DOCK11: variants seen among roughly 807,000 people sequenced by gnomAD.
DOCK11 encodes the protein dedicator of cytokinesis 11.
DOCK11 carries 70 observed loss-of-function variants against 169.1 expected under a neutral mutation model. The observed-to-expected ratio is 0.41, with a 90% CI of 0.34 to 0.51. DOCK11 has a LOEUF of 0.51. Ranked by LOEUF, DOCK11 falls within the 20% of genes least tolerant of loss-of-function variation. The pLI is 0.10. For synonymous variants in DOCK11, 529 were observed against 541.3 expected (o/e 0.98, Z 0.32); for missense variants, 1,166 against 1,538.8 (o/e 0.76, Z 4.05).
intron 1 of DOCK11, among the ~76,000 whole-genome samples, chrX:118,497,422 T>C (rs756797396): frequency 8.9e-6 from 1 of 112,425 alleles, no homozygotes; most frequent in East Asian, 2.8e-4. Flanking sequence ...CCCTAATAGC[T>C]ACAACTGTGC....
intron 45 of DOCK11, among the ~76,000 whole-genome samples, chrX:118,669,800 G>A (rs747827431): frequency 9.0e-6 from 1 of 111,711 alleles, no homozygotes; most frequent in East Asian, 2.8e-4. Flanking sequence ...TTGTTTTCAG[G>A]GCCATGCTCC....
At chrX:118,679,918 ATTTTTTTTTTT>A (rs55756738) in intron 48 of DOCK11, among the ~76,000 whole-genome samples, 9 of 55,436 alleles carry the variant, frequency 1.6e-4, no homozygotes, top group Middle Eastern at 0.016. Context: ...GATTACAGTA[ATTTTTTTTTTT>A]TTTTTTTTTT....
chrX:118,649,063 A>G lies in DOCK11; in HGVS notation c.4517A>G (p.Tyr1506Cys). 8.3e-7 allele frequency: 1 copy of G among 1,209,032 alleles called. No homozygotes were observed. Among genetic ancestry groups the G allele is most frequent in the Non-Finnish European group, 1.1e-6 (1 of 894,056 alleles). ...STRNEASALL[Y>C]LLMRNNFEYT... is the part of the protein sequence containing the mutation. ...AGGAATGAAGCATCTGCACTTTTGT[A>G]TCTTTTGATGAGAAACAACTTTGAG... The change falls in exon 41 of 53, where the codon TAT becomes TGT. Residue 1506 changes from tyrosine (Y) to cysteine (C), a missense_variant. Tyr to Cys is a radical substitution (Grantham distance 194, BLOSUM62 -2). Coordinates refer to ENST00000276202, the MANE Select transcript of DOCK11 (RefSeq NM_144658.4).
At chrX:118,614,829 A>G in intron 29 of DOCK11, 54 bp downstream of exon 29, 1 of 849,854 alleles carries the variant, frequency 1.2e-6, no homozygotes, top group Non-Finnish European at 1.7e-6. Flanking sequence ...GCATAAGACC[A>G]AAGTGACATT....
At chrX:118,573,623 T>C (rs774689126) in intron 11 of DOCK11, among the ~76,000 whole-genome samples, 183 bp from the exon 12 acceptor site, 1 of 112,082 alleles carries the variant, frequency 8.9e-6, no homozygotes, top group African/African-American at 3.2e-5. Context: ...AAGTCTGTTG[T>C]TTTGGAATGC....
chrX:118,614,893 T>C, intron 29 of DOCK11, 118 bp downstream of exon 29: 1 of 542,361 alleles, frequency 1.8e-6, no homozygotes, highest in South Asian at 3.4e-5. Context: ...AGTTGGACTA[T>C]AGACATACGT....
In DOCK11 at chrX:118,572,395, A is replaced by G. The variant is rs144152329; in HGVS notation, c.1108A>G (p.Asn370Asp). 1.7e-5 allele frequency: 20 copies of G among 1,204,691 alleles called. No homozygotes were observed. The African/African-American group carries it at 3.3e-4, about 20-fold the overall frequency. ...EEKCNKRFLV[N>D]CHDLTFNILG... ...AAAATGCAATAAACGTTTCCTGGTG[A>G]ATTGCCATGATTTAACTTTCAATAT... The change falls in exon 11 of 53, where the codon AAT (asparagine) becomes GAT (aspartate). Residue 370 changes from asparagine (N) to aspartate (D), a missense_variant. Asn to Asp is a conservative substitution (Grantham distance 23). Coordinates refer to ENST00000276202, the MANE Select transcript of DOCK11 (RefSeq NM_144658.4).
At chrX:118,596,092 A>G (rs993398546) in intron 20 of DOCK11, among the ~76,000 whole-genome samples, 8 of 112,464 alleles carry the variant, frequency 7.1e-5, no homozygotes, top group African/African-American at 2.6e-4. Flanking sequence ...AAAAATTTCT[A>G]TTTAAAAATG....
intron 12 of DOCK11, among the ~76,000 whole-genome samples, chrX:118,575,339 T>C (rs762369780): frequency 8.9e-6 from 1 of 112,218 alleles, no homozygotes; most frequent in African/African-American, 3.2e-5. Context: ...ATCAGTCATA[T>C]TTATATGAAA....
At position 118,685,906 on chromosome X, in the gene DOCK11, TTC is replaced by T. The variant is rs941917262; in HGVS notation, c.*101_*102del. On this transcript the variant is annotated 3_prime_UTR_variant, in exon 53 of 53. Coordinates refer to ENST00000276202, the MANE Select transcript of DOCK11 (RefSeq NM_144658.4). ...TAAAGATTTGATATACATGGAGTGT[TTC>T]TTCTCGACACCAAAATTTTCATGTG... 36 of 1,056,427 alleles carry T rather than the reference TTC, an allele frequency of 3.4e-5. 1 individual carries two copies. In the Admixed American group the frequency reaches 1.0e-3, roughly 30 times the overall value. The allele number at this position is 1,056,427 out of a possible 1,213,427, so 87.1% of individuals were successfully genotyped here. A position where few individuals can be genotyped will look rare whatever the true frequency, so the allele number is the denominator to read the frequency against.
intron 10 of DOCK11, 80 bp from the exon 11 acceptor site, chrX:118,572,243 T>C: frequency 2.3e-6 from 2 of 886,654 alleles, no homozygotes; most frequent in Non-Finnish European, 3.1e-6. Context: ...TGTTGGATTT[T>C]TGCCATTTTT....
intron 6 of DOCK11, among the ~76,000 whole-genome samples, chrX:118,551,760 T>G (rs1161909723): frequency 1.8e-5 from 2 of 111,467 alleles, no homozygotes; most frequent in Non-Finnish European, 3.8e-5. Flanking sequence ...TTTAAACTGA[T>G]CTTAGAAATA....
intron 1 of DOCK11, among the ~76,000 whole-genome samples, chrX:118,514,702 C>T (rs946665712): frequency 8.9e-6 from 1 of 112,184 alleles, no homozygotes; most frequent in Middle Eastern, 4.6e-3. Context: ...TATAGTTTCT[C>T]ACCTACATAC....
chrX:118,615,654 T>C lies in DOCK11; in HGVS notation c.3235T>C (p.Tyr1079His). The stretch of plus-strand genomic sequence containing the variant: ...GCAAACAATTTGCAATCACGAACAT[T>C]ACATTCCTCTGAACTTGCCAATGGC... ...FLQTICNHEH[Y>H]IPLNLPMAFA... Residue 1079 changes from tyrosine (Y) to histidine (H), a missense_variant, in exon 30 of 53, where the codon TAC (tyrosine) becomes CAC (histidine). Physicochemically the swap from Tyr to His is moderately conservative, Grantham distance 83. Transcript: ENST00000276202. 8.3e-7 allele frequency: 1 copy of C among 1,211,097 alleles called. No homozygotes were observed. The highest frequency in any genetic ancestry group is 1.7e-5 in the African/African-American group (1 of 57,931).
chrX:118,654,905 C>T lies in DOCK11; in HGVS notation c.4913C>T (p.Ala1638Val). ...IHVKNGDFSE[A>V]AMCYVHVAAL... is the part of the protein sequence containing the mutation. ...TCTTTCTCTGTCATCCTTTTTCAGGCTGCGATGTGTTATGTCCATGTAGCA... is the reference window on the plus strand; with the variant it reads ...TCTTTCTCTGTCATCCTTTTTCAGGTTGCGATGTGTTATGTCCATGTAGCA... The change falls in exon 44 of 53, where the codon GCT becomes GTT. Residue 1638 changes from alanine to valine, a missense_variant and splice_region_variant. Ala to Val is a moderately conservative substitution (Grantham distance 64). Coordinates refer to ENST00000276202, the MANE Select transcript of DOCK11 (RefSeq NM_144658.4). 8.3e-7 allele frequency: 1 copy of T among 1,209,302 alleles called. No homozygotes were observed. Among genetic ancestry groups the T allele is most frequent in the South Asian group, 1.8e-5 (1 of 56,953 alleles).
chrX:118,573,814 C>CT lies in DOCK11; in HGVS notation c.1191dup (p.Ile398TyrfsTer7). ...ACTGTTTTCATTCCCAGGTTGAGCC[C>CT]TTTTTTATCAATCTTGCCTTATTTG... On this transcript the variant is annotated frameshift_variant, in exon 12 of 53. Transcript: ENST00000276202. LOFTEE classifies it high-confidence loss of function. The CT allele has an allele frequency of 3.3e-6, 4 of 1,203,415 alleles. No homozygotes were observed. The highest frequency in any genetic ancestry group is 4.5e-6 in the Non-Finnish European group (4 of 890,301).
chrX:118,608,965 G>A (rs752949945), intron 26 of DOCK11, among the ~76,000 whole-genome samples: 10 of 111,159 alleles, frequency 9.0e-5, no homozygotes, highest in Non-Finnish European at 1.1e-4. Context: ...ATTTAAAAGC[G>A]GTAACAAGAT....
chrX:118,615,732 T>C, intron 30 of DOCK11, 21 bp downstream of exon 30: 1 of 1,137,140 alleles, frequency 8.8e-7, no homozygotes, highest in Non-Finnish European at 1.2e-6. Flanking sequence ...GCATTTTCCA[T>C]CATTTGAGTT....
chrX:118,563,530 A>G (rs1034004427), intron 7 of DOCK11, among the ~76,000 whole-genome samples: 4 of 109,820 alleles, frequency 3.6e-5, no homozygotes, highest in African/African-American at 1.3e-4. Context: ...ATGTGAATAA[A>G]ATGTGCTTAT....
Sources: gnomAD v4.1 joint callset for allele counts (sites outside exome capture counted in the v4.1 genomes callset) on GRCh38, gnomAD v4.1.1 for gene constraint, MANE v1.5 for transcripts, NCBI Gene and HGNC (gene_info 2026-07-23, HGNC 2026-07-21) for gene names.